FBXO25: variants seen among roughly 807,000 people sequenced by gnomAD.
The protein encoded by FBXO25 is F-box protein 25.
A neutral mutation model predicts 51.9 loss-of-function variants in FBXO25; 45 were observed. The observed-to-expected ratio is 0.87, with a 90% CI of 0.68 to 1.11. The LOEUF is 1.11. FBXO25 is among the 50% of genes most tolerant of loss of function. The pLI is 0.00. For missense variants in FBXO25, 507 were observed against 428.5 expected (o/e 1.18, Z -1.62); for synonymous variants, 199 against 151.0 (o/e 1.32, Z -2.33).
chr8:477,364 C>T lies in FBXO25; in HGVS notation c.*8560C>T, dbSNP rs935544414. ...TACTGAAAGTGGGCTACTGCAGTCT[C>T]CTACTCTTACTGTAGAACTATCCAT... On this transcript the variant is annotated 3_prime_UTR_variant, in exon 10 of 10. Coordinates refer to ENST00000350302, the MANE Select transcript of FBXO25 (RefSeq NM_183420.2). 8 of 152,220 alleles carry T rather than the reference C, an allele frequency of 5.3e-5. No homozygotes were observed. The highest frequency in any genetic ancestry group is 1.9e-4 in the African/African-American group (8 of 41,458). 9.4% of individuals were successfully genotyped at this position (152,220 alleles called of 1,614,324 possible).
chr8:410,443 T>A (rs1796421264), intron 1 of FBXO25, among the ~76,000 whole-genome samples: 1 of 152,086 alleles, frequency 6.6e-6, no homozygotes, highest in Admixed American at 6.5e-5. Flanking sequence ...TTTTTTTTAA[T>A]ATAGATTTCT....
chr8:420,291 T>C (rs1489157820), intron 2 of FBXO25: 1 of 152,210 alleles, frequency 6.6e-6, no homozygotes, highest in African/African-American at 2.4e-5. Context: ...ATCCCAGTGC[T>C]GGCAAGGACA....
chr8:476,714 TGTTTTTCTTA>T lies in FBXO25; in HGVS notation c.*7913_*7922del, dbSNP rs1007993902. 3 of 152,156 alleles carry T rather than the reference TGTTTTTCTTA, an allele frequency of 2.0e-5. No homozygotes were observed. The highest frequency in any genetic ancestry group is 4.8e-5 in the African/African-American group (2 of 41,454). 9.4% of individuals were successfully genotyped at this position (152,156 alleles called of 1,614,324 possible). ...GTAATGTCTCCTCCTGGTTTTTAGTTGTTTTTCTTAGTCACTCTTAGCTATCAACAAACTC... is the reference window on the plus strand; with the variant it reads ...GTAATGTCTCCTCCTGGTTTTTAGTTGTCACTCTTAGCTATCAACAAACTC... On this transcript the variant is annotated 3_prime_UTR_variant, in exon 10 of 10. Transcript: ENST00000350302.
intron 1 of FBXO25, among the ~76,000 whole-genome samples, chr8:409,239 A>T (rs749931693): frequency 6.6e-6 from 1 of 152,218 alleles, no homozygotes; most frequent in Non-Finnish European, 1.5e-5. Flanking sequence ...TGAGCTGTAT[A>T]GATTATGCTT....
At chr8:466,090 C>A (rs1800142392) in intron 9 of FBXO25, among the ~76,000 whole-genome samples, 1 of 152,196 alleles carries the variant, frequency 6.6e-6, no homozygotes, top group South Asian at 2.1e-4. Flanking sequence ...ACAGCTTCTC[C>A]CACTGAATAT....
At chr8:428,041 G>A (rs1224794532) in intron 2 of FBXO25, among the ~76,000 whole-genome samples, 2 of 152,190 alleles carry the variant, frequency 1.3e-5, no homozygotes, top group Admixed American at 6.5e-5. Context: ...TCACTAAAAT[G>A]AGGATTGTAA....
At chr8:431,088 G>GAAACTA (rs1797793264) in intron 2 of FBXO25, among the ~76,000 whole-genome samples, 1 of 152,134 alleles carries the variant, frequency 6.6e-6, no homozygotes, top group African/African-American at 2.4e-5. Flanking sequence ...TTTGATGTTT[G>GAAACTA]AAACTACCTT....
At chr8:416,015 A>G (rs866044211) in intron 2 of FBXO25, among the ~76,000 whole-genome samples, 2 of 152,306 alleles carry the variant, frequency 1.3e-5, no homozygotes, top group South Asian at 2.1e-4. Flanking sequence ...GTAGTCAAAC[A>G]TAACGCATTC....
chr8:458,907 C>G (rs1023931254), intron 8 of FBXO25, among the ~76,000 whole-genome samples: 12 of 152,174 alleles, frequency 7.9e-5, no homozygotes, highest in African/African-American at 2.7e-4. Flanking sequence ...GCTGCACATC[C>G]TTGAAAAGTC....
Position 416,095 on chromosome 8 carries a change from C to G in FBXO25, c.134+2882C>G, listed in dbSNP as rs1434540555. Among the ~76,000 whole-genome samples the G allele has an allele frequency of 3.3e-5, 5 of 152,200 alleles. No homozygotes were observed. The East Asian group carries it at 9.6e-4, about 29-fold the overall frequency. ...CACCCACTCATTTATTTGCTTTTTTCACTTGCTCACTCATTTATTCTTCCA... is the reference window on the plus strand; with the variant it reads ...CACCCACTCATTTATTTGCTTTTTTGACTTGCTCACTCATTTATTCTTCCA... On this transcript the variant is annotated intron_variant, in intron 2 of 9. Coordinates refer to ENST00000350302, the MANE Select transcript of FBXO25 (RefSeq NM_183420.2).
Position 410,258 on chromosome 8 carries a change from T to C in FBXO25, c.-7-2815T>C, listed in dbSNP as rs1235236685. Among the ~76,000 whole-genome samples the C allele has an allele frequency of 3.3e-5, 5 of 152,328 alleles. No individual in the cohort carries two copies. In the South Asian group the frequency reaches 1.0e-3, roughly 32 times the overall value. ...CACACTTTATTATATTACACTTGTA[T>C]GGAATTTGTGTGTGTTTTGCTATTG... On this transcript the variant is annotated intron_variant, in intron 1 of 9. Coordinates refer to ENST00000350302, the MANE Select transcript of FBXO25 (RefSeq NM_183420.2).
intron 2 of FBXO25, 43 bp downstream of exon 2, chr8:413,256 C>G: frequency 6.7e-7 from 1 of 1,488,466 alleles, no homozygotes; most frequent in Non-Finnish European, 8.9e-7. Flanking sequence ...GCCAGTTTAG[C>G]ATGTATGGCC....
Position 454,610 on chromosome 8 carries a change from G to C in FBXO25, c.660+3157G>C, listed in dbSNP as rs572862121. ...TGTTTTAGGTGGAGCTTAAAGAATG[G>C]GCCGGGCGCGATGGCTCACGCCAGT... On this transcript the variant is annotated intron_variant, in intron 7 of 9. Transcript: ENST00000350302. 2.0e-5 allele frequency among the ~76,000 whole-genome samples: 3 copies of C among 152,310 alleles called. No individual in the cohort carries two copies. The East Asian group carries it at 5.8e-4, about 29-fold the overall frequency.
chr8:471,298 A>G lies in FBXO25; in HGVS notation c.*2494A>G, dbSNP rs1024132038. 1.6e-4 allele frequency: 24 copies of G among 152,220 alleles called. No individual in the cohort carries two copies. The highest frequency in any genetic ancestry group is 5.1e-4 in the African/African-American group (21 of 41,454). 9.4% of individuals were successfully genotyped at this position (152,220 alleles called of 1,614,324 possible). A position where few individuals can be genotyped will look rare whatever the true frequency, so the allele number is the denominator to read the frequency against. ...AGAGATTGAAAGGTTAATGGAGGGTATAAGGACAGAATAAAGACAATTTTG... is the reference window on the plus strand; with the variant it reads ...AGAGATTGAAAGGTTAATGGAGGGTGTAAGGACAGAATAAAGACAATTTTG... On this transcript the variant is annotated 3_prime_UTR_variant, in exon 10 of 10. Transcript: ENST00000350302.
intron 2 of FBXO25, among the ~76,000 whole-genome samples, chr8:416,342 G>C (rs1387036767): frequency 1.3e-5 from 2 of 152,192 alleles, no homozygotes; most frequent in Non-Finnish European, 2.9e-5. Flanking sequence ...GAAATCCAGA[G>C]CCATCAGACT....
chr8:431,541 A>G, intron 3 of FBXO25, 97 bp downstream of exon 3: 1 of 631,358 alleles, frequency 1.6e-6, no homozygotes, highest in Non-Finnish European at 2.6e-6. Flanking sequence ...AGGTGATACA[A>G]ATATGTAAAT....
chr8:458,652 A>G (rs910517746), intron 8 of FBXO25, 101 bp downstream of exon 8: 10 of 1,128,964 alleles, frequency 8.9e-6, no homozygotes, highest in East Asian at 4.9e-5. Context: ...ATGGCTGAGT[A>G]TTTTCTACTT....
chr8:472,862 A>G lies in FBXO25; in HGVS notation c.*4058A>G, dbSNP rs1200154775. The G allele has an allele frequency of 1.3e-5, 2 of 152,254 alleles. No individual in the cohort carries two copies. Among genetic ancestry groups the G allele is most frequent in the Admixed American group, 6.5e-5 (1 of 15,282 alleles). 9.4% of individuals were successfully genotyped at this position (152,254 alleles called of 1,614,324 possible). ...GTGCTGCCCTCTGAGAAAAGTCAGA[A>G]GCAAGCCTGCCTTATGAAACTCGAC... On this transcript the variant is annotated 3_prime_UTR_variant, in exon 10 of 10. Transcript: ENST00000350302.
rs1799101367 is a variant in FBXO25 at position 451,600 on chromosome 8, AAAAGGACC to A, written c.660+152_660+159del. ...TATTCATTAAATTGTTTTAAAATAG[AAAAGGACC>A]AAAGACCCCAATGGCTTATAGTTGC... On this transcript the variant is annotated intron_variant, in intron 7 of 9. Coordinates refer to ENST00000350302, the MANE Select transcript of FBXO25 (RefSeq NM_183420.2). 4 of 827,192 alleles carry A rather than the reference AAAAGGACC, an allele frequency of 4.8e-6. No individual in the cohort carries two copies. The South Asian group carries it at 7.9e-5, about 16-fold the overall frequency. The allele number at this position is 827,192 out of a possible 1,614,324, so 51.2% of individuals were successfully genotyped here.
Sources: gnomAD v4.1 joint callset for allele counts (sites outside exome capture counted in the v4.1 genomes callset) on GRCh38, gnomAD v4.1.1 for gene constraint, MANE v1.5 for transcripts, NCBI Gene and HGNC (gene_info 2026-07-23, HGNC 2026-07-21) for gene names.